The following ARHGEF17 variants were observed in gnomAD, a reference collection of about 807,000 sequenced individuals.
ARHGEF17 encodes the protein Rho guanine nucleotide exchange factor 17.
A neutral mutation model predicts 174.0 loss-of-function variants in ARHGEF17; 80 were observed. The observed-to-expected ratio is 0.46, with a 90% CI of 0.38 to 0.55. ARHGEF17 has a LOEUF of 0.55. ARHGEF17 is among the 20% of genes least tolerant of loss of function. ARHGEF17 has a pLI of 0.00. For missense variants in ARHGEF17, 2,886 were observed against 2,839.7 expected (o/e 1.02, Z -0.37); for synonymous variants, 1,311 against 1,189.1 (o/e 1.10, Z -2.11).
intron 20 of ARHGEF17, 39 bp from the exon 21 acceptor site, chr11:73,367,545 T>C: frequency 6.4e-7 from 1 of 1,557,082 alleles, no homozygotes; most frequent in Non-Finnish European, 8.8e-7. Flanking sequence ...GAAGCCTCCA[T>C]TCGCCCCCAA....
chr11:73,359,245 CAT>C (rs1283582469), intron 9 of ARHGEF17, among the ~76,000 whole-genome samples: 9 of 152,244 alleles, frequency 5.9e-5, no homozygotes, highest in East Asian at 1.9e-4. Flanking sequence ...TTTCAAGACA[CAT>C]GTGTCCTGGC....
Position 73,362,050 on chromosome 11 carries a change from C to T in ARHGEF17, c.4505C>T (p.Ala1502Val), listed in dbSNP as rs763872235. 6.2e-7 allele frequency: 1 copy of T among 1,612,068 alleles called. No homozygotes were observed. Among genetic ancestry groups the T allele is most frequent in the Non-Finnish European group, 8.5e-7 (1 of 1,179,400 alleles). The change falls in exon 13 of 21, where the codon GCG (alanine) becomes GTG (valine). Residue 1502 changes from alanine to valine, a missense_variant. Around this residue, in one of 4 missense-constraint regions of ARHGEF17, gnomAD observed 476 missense variants for 473.1 expected, o/e 1.01. Coordinates refer to ENST00000263674, the MANE Select transcript of ARHGEF17 (RefSeq NM_014786.4). Reference protein sequence around the residue: ...KTRSGMQFSCAAPTLNSCPEP... With the variant: ...KTRSGMQFSCVAPTLNSCPEP... ...TGGCGCCTCCTGCAGTTCTCCTGTGCGGCTCCCACCCTGAACAGCTGCCCG... is the reference window on the plus strand; with the variant it reads ...TGGCGCCTCCTGCAGTTCTCCTGTGTGGCTCCCACCCTGAACAGCTGCCCG...
At position 73,362,709 on chromosome 11, in the gene ARHGEF17, G is replaced by A; in HGVS notation, c.4971G>A (p.Arg1657=). ...GGACGCTGCAGAGCCAGGCCAGCCG[G>A]TCCACCATCTCCTCCAGCTTTGGCA... ...PSGTLQSQAS[R]STISSSFGNE... The change falls in exon 14 of 21, where the codon CGG becomes CGA. Residue 1657 remains arginine, a synonymous_variant. Transcript: ENST00000263674. 6.2e-7 allele frequency: 1 copy of A among 1,605,612 alleles called. No homozygotes were observed. Among genetic ancestry groups the A allele is most frequent in the Non-Finnish European group, 8.5e-7 (1 of 1,177,342 alleles).
rs1021712589 is a variant in ARHGEF17, at chr11:73,353,297, C to T, written c.3453+285C>T. 1.0e-5 allele frequency: 5 copies of T among 495,518 alleles called. No individual in the cohort carries two copies. The East Asian group carries it at 1.1e-4, about 11-fold the overall frequency. 30.7% of individuals were successfully genotyped at this position (495,518 alleles called of 1,614,324 possible). On this transcript the variant is annotated intron_variant, in intron 3 of 20. Transcript: ENST00000263674. ...CTACCCCGCTCCTGGCTGGCACTGA[C>T]GTGACTCTAGTCCTGACCCCAAGCT... is the stretch of plus-strand genomic sequence containing the variant.
At chr11:73,354,262 A>T (rs565143610) in intron 3 of ARHGEF17, among the ~76,000 whole-genome samples, 1 of 152,264 alleles carries the variant, frequency 6.6e-6, no homozygotes, top group South Asian at 2.1e-4. Context: ...CTGGACCTTG[A>T]TGCTGACCAT....
Position 73,309,229 on chromosome 11 carries a change from G to T in ARHGEF17, c.591G>T (p.Leu197=), listed in dbSNP as rs921340064. 6.2e-7 allele frequency: 1 copy of T among 1,602,448 alleles called. No individual in the cohort carries two copies. Among genetic ancestry groups the T allele is most frequent in the African/African-American group, 1.3e-5 (1 of 74,172 alleles). The change falls in exon 1 of 21, where the codon CTG becomes CTT. Residue 197 remains leucine (L), a synonymous_variant. Transcript: ENST00000263674. ...CCGGGCCGGAGACCGAAGGGAGGCT[G>T]CGCCGGCCGCAGCAGCAACAGGAGC... ...PLTGPETEGR[L]RRPQQQQERA...
chr11:73,367,841 C>A lies in ARHGEF17; in HGVS notation c.*61C>A. ...CTGCCTTCAGCCTGCTTGCCTCTCC[C>A]TAGCCCACACGCAGACTTTGACCAG... On this transcript the variant is annotated 3_prime_UTR_variant, in exon 21 of 21. Transcript: ENST00000263674. The A allele has an allele frequency of 6.6e-7, 1 of 1,518,690 alleles. No homozygotes were observed. Among genetic ancestry groups the A allele is most frequent in the South Asian group, 1.2e-5 (1 of 82,484 alleles). 94.1% of individuals were successfully genotyped at this position (1,518,690 alleles called of 1,614,324 possible).
intron 11 of ARHGEF17, 88 bp from the exon 12 acceptor site, chr11:73,361,000 G>T: frequency 1.8e-6 from 2 of 1,106,278 alleles, no homozygotes; most frequent in East Asian, 2.4e-5. Flanking sequence ...AGGGGCAGGG[G>T]AGGAAGGGGA....
At position 73,309,964 on chromosome 11, in the gene ARHGEF17, C is replaced by T. The variant is rs752027776; in HGVS notation, c.1326C>T (p.Thr442=). 2.5e-6 allele frequency: 4 copies of T among 1,613,798 alleles called. No individual in the cohort carries two copies. In the East Asian group the frequency reaches 6.7e-5, roughly 27 times the overall value. Residue 442 remains threonine (T), a synonymous_variant, in exon 1 of 21, where the codon ACC becomes ACT. Transcript: ENST00000263674. ...CCCGTGCCAAAGGACCTGGAGGCAC[C>T]TCTAGGGCATTGAGGGATGGAGGAT... ...ARTRAKGPGG[T]SRALRDGGFE...
intron 1 of ARHGEF17, among the ~76,000 whole-genome samples, chr11:73,318,038 G>A (rs1174582294): frequency 6.6e-6 from 1 of 152,034 alleles, no homozygotes; most frequent in East Asian, 1.9e-4. Context: ...CATGCTCTTG[G>A]GCACCAGGAT....
chr11:73,368,109 A>G lies in ARHGEF17; in HGVS notation c.*329A>G, dbSNP rs1565213270. ...CACGGGGCTGGGGAGGGCCATGTGC[A>G]ATATTTGGAGGGTTTTCTGGAGGGC... is the stretch of plus-strand genomic sequence containing the variant. On this transcript the variant is annotated 3_prime_UTR_variant, in exon 21 of 21. Coordinates refer to ENST00000263674, the MANE Select transcript of ARHGEF17 (RefSeq NM_014786.4). 1 of 270,336 alleles carries G rather than the reference A, an allele frequency of 3.7e-6. No homozygotes were observed. The highest frequency in any genetic ancestry group is 2.2e-5 in the African/African-American group (1 of 46,468). 16.7% of individuals were successfully genotyped at this position (270,336 alleles called of 1,614,324 possible).
chr11:73,362,409 C>A, intron 13 of ARHGEF17, 24 bp from the exon 14 acceptor site: 2 of 1,521,864 alleles, frequency 1.3e-6, no homozygotes, highest in Non-Finnish European at 1.8e-6. Context: ...TAGCTGCTGT[C>A]ATCCTCACTC....
intron 1 of ARHGEF17, among the ~76,000 whole-genome samples, chr11:73,326,060 A>G (rs1296896750): frequency 1.3e-5 from 2 of 152,206 alleles, no homozygotes; most frequent in African/African-American, 2.4e-5. Context: ...TTAAAATTCA[A>G]TTGCACTGTG....
chr11:73,317,067 G>A (rs1409833962), intron 1 of ARHGEF17, among the ~76,000 whole-genome samples: 1 of 152,148 alleles, frequency 6.6e-6, no homozygotes, highest in Non-Finnish European at 1.5e-5. Context: ...CACTTAGGGT[G>A]GGGAGGTGGA....
intron 1 of ARHGEF17, among the ~76,000 whole-genome samples, chr11:73,344,472 C>T (rs1220341034): frequency 6.6e-6 from 1 of 152,234 alleles, no homozygotes; most frequent in Non-Finnish European, 1.5e-5. Flanking sequence ...CCAGCCCTGC[C>T]TCTCAGGAAG....
chr11:73,343,824 G>A (rs1159554188), intron 1 of ARHGEF17, among the ~76,000 whole-genome samples: 3 of 152,158 alleles, frequency 2.0e-5, no homozygotes, highest in Non-Finnish European at 2.9e-5. Context: ...CCATGCTCCC[G>A]GCCCCAGTGG....
chr11:73,361,347 A>T (rs373498499), intron 12 of ARHGEF17, among the ~76,000 whole-genome samples, 186 bp downstream of exon 12: 12 of 152,224 alleles, frequency 7.9e-5, no homozygotes, highest in Non-Finnish European at 1.8e-4. Context: ...GTATATGGGT[A>T]TGCTTCGTGC....
chr11:73,329,348 TATATATA>T (rs1565193600), intron 1 of ARHGEF17, among the ~76,000 whole-genome samples: 1 of 40,420 alleles, frequency 2.5e-5, no homozygotes, highest in African/African-American at 2.1e-4. Flanking sequence ...TATATATATA[TATATATA>T]TATATATATA....
At chr11:73,341,269 G>A (rs1209526885) in intron 1 of ARHGEF17, among the ~76,000 whole-genome samples, 2 of 152,166 alleles carry the variant, frequency 1.3e-5, no homozygotes, top group South Asian at 4.1e-4. Context: ...CTTCCCTAAG[G>A]AGGTGACATT....
Sources: allele counts gnomAD v4.1 joint callset (sites outside exome capture counted in the v4.1 genomes callset), GRCh38; gene constraint gnomAD v4.1.1; regional missense constraint gnomAD v4.1.1; transcripts MANE v1.5; gene names NCBI Gene and HGNC (gene_info 2026-07-23, HGNC 2026-07-21).